The following NFE2L2 variants were observed in gnomAD, a reference collection of about 807,000 sequenced individuals.
NFE2L2 encodes NFE2 like bZIP transcription factor 2.
A neutral mutation model predicts 49.6 loss-of-function variants in NFE2L2; 20 were observed. That is an observed-to-expected ratio of 0.40 (90% CI 0.28 to 0.59). The LOEUF (loss-of-function observed/expected upper bound fraction) is 0.59. Ranked by LOEUF, NFE2L2 falls within the 20% of genes least tolerant of loss-of-function variation. NFE2L2 has a pLI of 0.40. For synonymous variants in NFE2L2, 244 were observed against 256.5 expected, an observed-to-expected ratio of 0.95 and a Z score of 0.47; for missense variants, 578 against 714.2, an observed-to-expected ratio of 0.81 and a Z score of 2.17.
chr2:177,255,241 A>C (rs1690476113), intron 1 of NFE2L2, among the ~76,000 whole-genome samples: 1 of 152,138 alleles, frequency 6.6e-6, no homozygotes. Flanking sequence ...ACGAGAAGAG[A>C]TATGAGCTTC....
rs534508830 is a variant in NFE2L2 at position 177,237,096 on chromosome 2, T to C, written c.46-2825A>G. Among the ~76,000 whole-genome samples, 24 of 152,210 alleles carry C rather than the reference T, an allele frequency of 1.6e-4. No homozygotes were observed. The East Asian group carries it at 4.1e-3, about 26-fold the overall frequency. Reference sequence around the variant, plus strand: ...GCTGGTCTTGAATTCCCGGGCTCCATTGATTTTCCTGCCTCAGCTTCCCAA... The same window carrying C: ...GCTGGTCTTGAATTCCCGGGCTCCACTGATTTTCCTGCCTCAGCTTCCCAA... On this transcript the variant is annotated intron_variant, in intron 1 of 4. Transcript: ENST00000397062.
chr2:177,248,513 G>A (rs999509726), intron 1 of NFE2L2, among the ~76,000 whole-genome samples: 3 of 152,116 alleles, frequency 2.0e-5, no homozygotes, highest in Non-Finnish European at 4.4e-5. Context: ...GGGTTCAAGC[G>A]ATTCTCTTGC....
At position 177,232,452 on chromosome 2, in the gene NFE2L2, G is replaced by A. The variant is rs761840428; in HGVS notation, c.534C>T (p.Asp178=). The A allele has an allele frequency of 2.1e-5, 34 of 1,614,074 alleles. No homozygotes were observed. Among genetic ancestry groups the A allele is most frequent in the East Asian group, 8.9e-5 (4 of 44,886 alleles). Residue 178 remains aspartate, a synonymous_variant, in exon 4 of 5, where the codon GAC becomes GAT. Coordinates refer to ENST00000397062, the MANE Select transcript of NFE2L2 (RefSeq NM_006164.5). The part of the protein sequence containing the change: ...SVAQVAPVDL[D]GMQQDIEQVW... ...CTTGCTCAATGTCCTGTTGCATACC[G>A]TCTAAATCAACAGGGGCTACCTGAG...
At chr2:177,256,558 G>T (rs1574282066) in intron 1 of NFE2L2, among the ~76,000 whole-genome samples, 2 of 146,520 alleles carry the variant, frequency 1.4e-5, no homozygotes, top group East Asian at 2.0e-4. Flanking sequence ...AGAAGTGTAT[G>T]TTGCATAGAG....
chr2:177,263,969 G>A (rs1051305463), intron 1 of NFE2L2: 7 of 984,408 alleles, frequency 7.1e-6, no homozygotes, highest in Non-Finnish European at 8.4e-6. Context: ...CGGCCCAGCG[G>A]GGTGAGCGCG....
chr2:177,235,233 C>T (rs1250533950), intron 1 of NFE2L2, among the ~76,000 whole-genome samples: 2 of 151,580 alleles, frequency 1.3e-5, no homozygotes, highest in Admixed American at 6.6e-5. Flanking sequence ...CGCGACCAGC[C>T]TGGGCAACAT....
chr2:177,234,316 A>G, intron 1 of NFE2L2, 45 bp from the exon 2 acceptor site: 3 of 1,551,830 alleles, frequency 1.9e-6, no homozygotes, highest in Non-Finnish European at 1.7e-6. Context: ...CATGTTTTTT[A>G]AATGACAGAT....
At chr2:177,252,870 C>T (rs1296623273) in intron 1 of NFE2L2, among the ~76,000 whole-genome samples, 1 of 152,232 alleles carries the variant, frequency 6.6e-6, no homozygotes, top group East Asian at 1.9e-4. Context: ...AGCCCGCTCA[C>T]CATCTCCCTG....
rs1208056573 is a variant in NFE2L2 at position 177,232,727 on chromosome 2, AACAAATC to A, written c.403-151_403-145del. ...ACCAGTCATGACCCCGTTTGTAAATAACAAATCTTTTTTTCCTACCCCACTGACTCAA... is the reference window on the plus strand; with the variant it reads ...ACCAGTCATGACCCCGTTTGTAAATATTTTTTTCCTACCCCACTGACTCAA... On this transcript the variant is annotated intron_variant, in intron 3 of 4. Transcript: ENST00000397062. 6.6e-6 allele frequency: 5 copies of A among 762,402 alleles called. No homozygotes were observed. The African/African-American group carries it at 8.8e-5, about 13-fold the overall frequency. 47.2% of individuals were successfully genotyped at this position (762,402 alleles called of 1,614,324 possible).
intron 1 of NFE2L2, among the ~76,000 whole-genome samples, chr2:177,248,639 C>A (rs1218929043): frequency 6.6e-6 from 1 of 152,218 alleles, no homozygotes; most frequent in Non-Finnish European, 1.5e-5. Context: ...GATCTCCTCA[C>A]CTTAGGTGAT....
At chr2:177,263,652 C>T (rs1017271531) in intron 1 of NFE2L2, 5 of 985,446 alleles carry the variant, frequency 5.1e-6, no homozygotes, top group African/African-American at 3.5e-5. Context: ...GCGGTGAGCG[C>T]CACCAGGGGG....
At position 177,231,780 on chromosome 2, in the gene NFE2L2, C is replaced by T; in HGVS notation, c.823G>A (p.Ala275Thr). Reference sequence around the variant, plus strand: ...TCACCAAAATCTGTGTTGACTGTGGCATCTGAATTTAATGAGTTCACTGTC... The same window carrying T: ...TCACCAAAATCTGTGTTGACTGTGGTATCTGAATTTAATGAGTTCACTGTC... The part of the protein sequence containing the change: ...QLTVNSLNSD[A>T]TVNTDFGDEF... Residue 275 changes from alanine to threonine, a missense_variant, in exon 5 of 5, where the codon GCC (alanine) becomes ACC (threonine). Transcript: ENST00000397062. The T allele has an allele frequency of 1.9e-6, 3 of 1,614,186 alleles. No homozygotes were observed. Among genetic ancestry groups the T allele is most frequent in the South Asian group, 2.2e-5 (2 of 91,078 alleles).
At chr2:177,263,965 A>C (rs17524059) in intron 1 of NFE2L2, 340,074 of 984,418 alleles carry the variant, frequency 0.35, 61,885 homozygotes, top group Non-Finnish European at 0.37. Flanking sequence ...CAGACGGCCC[A>C]GCGGGGTGAG....
intron 4 of NFE2L2, 39 bp from the exon 5 acceptor site, chr2:177,232,047 T>C (rs780091117): frequency 6.6e-7 from 1 of 1,517,210 alleles, no homozygotes; most frequent in Admixed American, 2.2e-5. Context: ...AAATCAAAGT[T>C]AATCCATGAT....
intron 1 of NFE2L2, among the ~76,000 whole-genome samples, chr2:177,247,198 C>T (rs929316218): frequency 7.2e-5 from 11 of 152,114 alleles, no homozygotes; most frequent in Admixed American, 1.3e-4. Flanking sequence ...GTGCATTTCC[C>T]CATGCCTTTC....
At chr2:177,244,847 AC>A (rs1242288440) in intron 1 of NFE2L2, among the ~76,000 whole-genome samples, 1 of 151,970 alleles carries the variant, frequency 6.6e-6, no homozygotes, top group Admixed American at 6.6e-5. Flanking sequence ...TACTAAAAAC[AC>A]AAAAAATTAG....
intron 1 of NFE2L2, among the ~76,000 whole-genome samples, chr2:177,258,911 T>A (rs1347223831): frequency 6.6e-6 from 1 of 152,242 alleles, no homozygotes; most frequent in Non-Finnish European, 1.5e-5. Flanking sequence ...TTATTTGGAA[T>A]GGCTATTTAG....
At chr2:177,255,496 T>G (rs1384465667) in intron 1 of NFE2L2, among the ~76,000 whole-genome samples, 2 of 152,216 alleles carry the variant, frequency 1.3e-5, no homozygotes, top group African/African-American at 4.8e-5. Context: ...ACATGTGGGT[T>G]GGCGAGTGGG....
intron 1 of NFE2L2, among the ~76,000 whole-genome samples, chr2:177,252,338 C>T (rs1238409697): frequency 2.0e-5 from 3 of 152,146 alleles, no homozygotes; most frequent in East Asian, 3.8e-4. Flanking sequence ...GAGAGTCCAA[C>T]GGACTGCAGC....
Sources: allele counts gnomAD v4.1 joint callset (sites outside exome capture counted in the v4.1 genomes callset), GRCh38; gene constraint gnomAD v4.1.1; transcripts MANE v1.5; gene names NCBI Gene and HGNC (gene_info 2026-07-23, HGNC 2026-07-21).